The following CNTN5 variants were observed in gnomAD, a reference collection of about 807,000 sequenced individuals.
CNTN5 encodes contactin-5.
Under a neutral mutation model 129.1 loss-of-function variants are expected in CNTN5, and 77 were observed. That is an observed-to-expected ratio of 0.60 (90% CI 0.50 to 0.72). The LOEUF is 0.72. Ranked by LOEUF, CNTN5 falls within the 30% of genes least tolerant of loss-of-function variation. The pLI is 0.00. For missense variants in CNTN5, 1,478 were observed against 1,328.8 expected (o/e 1.11, Z -1.75); for synonymous variants, 509 against 465.6 (o/e 1.09, Z -1.20).
chr11:99,088,127 T>C (rs1169849820), intron 1 of CNTN5, among the ~76,000 whole-genome samples: 1 of 152,140 alleles, frequency 6.6e-6, no homozygotes, highest in Non-Finnish European at 1.5e-5. Context: ...TTTCACCTCT[T>C]CTAGCAACCT....
intron 18 of CNTN5, among the ~76,000 whole-genome samples, chr11:100,277,911 C>T (rs946154428): frequency 2.0e-5 from 3 of 152,030 alleles, no homozygotes; most frequent in Admixed American, 6.6e-5. Context: ...CACAGTTTCC[C>T]CAATGTTTTC....
intron 8 of CNTN5, among the ~76,000 whole-genome samples, chr11:99,969,381 A>T (rs1207194674): frequency 6.6e-6 from 1 of 152,198 alleles, no homozygotes; most frequent in East Asian, 1.9e-4. Flanking sequence ...TCTTCATGAA[A>T]GAAAGGAATG....
At chr11:100,275,559 C>T (rs1950492549) in intron 18 of CNTN5, among the ~76,000 whole-genome samples, 1 of 151,830 alleles carries the variant, frequency 6.6e-6, no homozygotes, top group Admixed American at 6.5e-5. Context: ...TGGTATGAAT[C>T]TCCTTGTGCT....
chr11:99,126,247 T>C (rs1858627037), intron 1 of CNTN5, among the ~76,000 whole-genome samples: 1 of 152,212 alleles, frequency 6.6e-6, no homozygotes, highest in Non-Finnish European at 1.5e-5. Flanking sequence ...TTCTTACTGT[T>C]CAGGCGTATG....
chr11:99,318,280 T>G (rs1865429121), intron 1 of CNTN5, among the ~76,000 whole-genome samples: 3 of 152,178 alleles, frequency 2.0e-5, no homozygotes, highest in Non-Finnish European at 2.9e-5. Context: ...ATGTATAATC[T>G]GAAGTCCAGA....
Position 100,093,166 on chromosome 11 carries a change from T to G in CNTN5, c.1580+18872T>G, listed in dbSNP as rs575684470. 3.9e-5 allele frequency among the ~76,000 whole-genome samples: 6 copies of G among 152,222 alleles called. No individual in the cohort carries two copies. In the East Asian group the frequency reaches 1.2e-3, roughly 30 times the overall value. On this transcript the variant is annotated intron_variant, in intron 13 of 24. Transcript: ENST00000524871. ...GACAACAAGAGTGGCTATTTCCTTCTGCTAGTTCAGCCCTCACAGTTATGA... is the reference window on the plus strand; with the variant it reads ...GACAACAAGAGTGGCTATTTCCTTCGGCTAGTTCAGCCCTCACAGTTATGA...
At chr11:99,444,782 T>A (rs1943992214) in intron 2 of CNTN5, among the ~76,000 whole-genome samples, 1 of 152,028 alleles carries the variant, frequency 6.6e-6, no homozygotes, top group Non-Finnish European at 1.5e-5. Flanking sequence ...AACTAGCTAA[T>A]CTTTATATTT....
chr11:99,379,180 C>T (rs199785508), intron 2 of CNTN5, among the ~76,000 whole-genome samples: 3 of 144,166 alleles, frequency 2.1e-5, no homozygotes, highest in Admixed American at 6.9e-5. Context: ...AATTTTGTTT[C>T]TTTTTTTTTT....
intron 1 of CNTN5, among the ~76,000 whole-genome samples, chr11:99,070,095 A>G (rs570869990): frequency 3.7e-4 from 56 of 152,290 alleles, no homozygotes; most frequent in African/African-American, 1.3e-3. Flanking sequence ...CCGCACTGGT[A>G]TGAAAATGGT....
chr11:100,106,390 C>G (rs2138089040), intron 13 of CNTN5, among the ~76,000 whole-genome samples: 1 of 152,290 alleles, frequency 6.6e-6, no homozygotes, highest in South Asian at 2.1e-4. Flanking sequence ...CTGCGTGATG[C>G]AAAATTTTGC....
intron 2 of CNTN5, among the ~76,000 whole-genome samples, chr11:99,456,948 A>C (rs112041379): frequency 0.012 from 1,882 of 152,110 alleles, 43 homozygotes; most frequent in African/African-American, 0.043. Context: ...GTTTGAGTAT[A>C]TTCTGTGTGT....
intron 1 of CNTN5, among the ~76,000 whole-genome samples, chr11:99,113,764 A>G (rs1305599224): frequency 6.6e-6 from 1 of 152,116 alleles, no homozygotes; most frequent in African/African-American, 2.4e-5. Context: ...TGGCACACAA[A>G]TAGCCTCTGC....
intron 1 of CNTN5, among the ~76,000 whole-genome samples, chr11:99,083,300 T>G: frequency 6.6e-6 from 1 of 151,482 alleles, no homozygotes; most frequent in South Asian, 2.1e-4. Flanking sequence ...TATTCACACA[T>G]GTGTCCTCTC....
chr11:99,250,989 A>G (rs76523945), intron 1 of CNTN5, among the ~76,000 whole-genome samples: 14,689 of 151,960 alleles, frequency 0.097, 743 homozygotes, highest in South Asian at 0.15. Context: ...AGACTTGGGA[A>G]AAGAAACTAT....
At chr11:100,019,816 G>A (rs1941031154) in intron 9 of CNTN5, among the ~76,000 whole-genome samples, 1 of 151,856 alleles carries the variant, frequency 6.6e-6, no homozygotes, top group African/African-American at 2.4e-5. Context: ...CAATTTATAA[G>A]GGTTCCGTTT....
At chr11:99,407,366 G>A (rs925413947) in intron 2 of CNTN5, among the ~76,000 whole-genome samples, 4 of 152,118 alleles carry the variant, frequency 2.6e-5, no homozygotes, top group Non-Finnish European at 5.9e-5. Context: ...CTAGGGCCTG[G>A]AAAAGGGATG....
chr11:99,199,458 T>C (rs939160349), intron 1 of CNTN5, among the ~76,000 whole-genome samples: 2 of 152,128 alleles, frequency 1.3e-5, no homozygotes, highest in Non-Finnish European at 2.9e-5. Flanking sequence ...ATTCTACAAA[T>C]CAAAGTGCTT....
chr11:99,236,703 G>T (rs574475649), intron 1 of CNTN5, among the ~76,000 whole-genome samples: 1 of 152,258 alleles, frequency 6.6e-6, no homozygotes, highest in South Asian at 2.1e-4. Context: ...TGATAAGCAT[G>T]GAGAGAATTA....
chr11:99,703,323 G>T (rs1244826580), intron 3 of CNTN5, among the ~76,000 whole-genome samples: 1 of 149,332 alleles, frequency 6.7e-6, no homozygotes, highest in Non-Finnish European at 1.5e-5. Flanking sequence ...TTATCTAGAG[G>T]TTGAGTTTTG....
Sources: gnomAD v4.1 joint callset for allele counts (sites outside exome capture counted in the v4.1 genomes callset) on GRCh38, gnomAD v4.1.1 for gene constraint, MANE v1.5 for transcripts, NCBI Gene and HGNC (gene_info 2026-07-23, HGNC 2026-07-21) for gene names.